The following LARGE1 variants were observed in gnomAD, a reference collection of about 807,000 sequenced individuals.
LARGE1 encodes LARGE xylosyl- and glucuronyltransferase 1.
In LARGE1, 43 loss-of-function variants were observed where a neutral mutation model predicts 87.6. The observed-to-expected ratio is 0.49, with a 90% CI of 0.38 to 0.63. The LOEUF (loss-of-function observed/expected upper bound fraction) is 0.63. LARGE1 is among the 30% of genes least tolerant of loss of function. The probability of loss-of-function intolerance (pLI) is 0.00; values close to 1 mark genes in which losing one functional copy is unlikely to be tolerated. For synonymous variants in LARGE1, 434 were observed against 394.6 expected, an observed-to-expected ratio of 1.10 and a Z score of -1.18; for missense variants, 802 against 1,000.2, an observed-to-expected ratio of 0.80 and a Z score of 2.67.
In LARGE1 at chr22:33,843,308, A is replaced by C. The variant is rs568797568; in HGVS notation, c.-83+76687T>G. On this transcript the variant is annotated intron_variant, in intron 1 of 14. Coordinates refer to ENST00000397394, the MANE Select transcript of LARGE1 (RefSeq NM_133642.5). ...CACTTTGGGCCAGGCACAGTGGCTC[A>C]TGCCTGTAATCCCAGCACTTTGGGA... is the stretch of plus-strand genomic sequence containing the variant. Among the ~76,000 whole-genome samples, 44 of 152,130 alleles carry C rather than the reference A, an allele frequency of 2.9e-4. 2 individuals carry two copies. The South Asian group carries it at 7.9e-3, about 27-fold the overall frequency.
At chr22:33,540,227 G>A (rs1375930323) in intron 6 of LARGE1, among the ~76,000 whole-genome samples, 1 of 152,086 alleles carries the variant, frequency 6.6e-6, no homozygotes, top group Non-Finnish European at 1.5e-5. Flanking sequence ...CTCCTCCTTC[G>A]ACAAAAACAA....
chr22:33,620,507 C>T (rs1345880958), intron 4 of LARGE1, among the ~76,000 whole-genome samples: 1 of 152,188 alleles, frequency 6.6e-6, no homozygotes, highest in South Asian at 2.1e-4. Context: ...CTATTTTCTA[C>T]TGGGTAACAA....
chr22:33,173,969 C>G (rs117136795), intron 11 of LARGE1, among the ~76,000 whole-genome samples: 23 of 152,276 alleles, frequency 1.5e-4, no homozygotes, highest in Non-Finnish European at 2.8e-4. Flanking sequence ...AGGACATGAA[C>G]TCAGCTCTGG....
intron 3 of LARGE1, among the ~76,000 whole-genome samples, chr22:33,647,547 A>G (rs902507587): frequency 3.3e-5 from 5 of 152,208 alleles, no homozygotes; most frequent in Non-Finnish European, 7.3e-5. Context: ...GTGAAAGATA[A>G]AGAAATCCCA....
chr22:33,568,766 CAA>C (rs57651807), intron 5 of LARGE1, among the ~76,000 whole-genome samples: 1,263 of 92,766 alleles, frequency 0.014, 15 homozygotes, highest in African/African-American at 0.041. Context: ...AACTCAGTCT[CAA>C]AAAAAAAAAA....
intron 3 of LARGE1, among the ~76,000 whole-genome samples, chr22:33,642,120 G>C (rs372655533): frequency 6.6e-6 from 1 of 152,008 alleles, no homozygotes; most frequent in African/African-American, 2.4e-5. Context: ...TAATGTTAAG[G>C]GCATCCAGAA....
At chr22:33,087,474 T>C in the LARGE1 span, among the ~76,000 whole-genome samples, 5 of 152,146 alleles carry the variant, frequency 3.3e-5, no homozygotes, top group African/African-American at 9.7e-5. Context: ...TTATGCATAA[T>C]AGTGGAAGCA....
At chr22:33,696,704 G>C (rs2082264507) in intron 2 of LARGE1, among the ~76,000 whole-genome samples, 1 of 152,166 alleles carries the variant, frequency 6.6e-6, no homozygotes, top group South Asian at 2.1e-4. Flanking sequence ...ATGCTGGTGG[G>C]TTTGAAATGG....
intron 6 of LARGE1, among the ~76,000 whole-genome samples, chr22:33,545,260 T>A (rs2148663032): frequency 8.2e-6 from 1 of 121,822 alleles, no homozygotes; most frequent in Non-Finnish European, 1.7e-5. Flanking sequence ...ATGTCTTTCC[T>A]TTTCTTTTTT....
At chr22:33,452,112 G>A (rs763721974) in intron 6 of LARGE1, among the ~76,000 whole-genome samples, 20 of 152,130 alleles carry the variant, frequency 1.3e-4, no homozygotes, top group Non-Finnish European at 2.2e-4. Flanking sequence ...GTGACTATAC[G>A]TCAGGCACTA....
chr22:33,118,554 C>CA, the LARGE1 span, among the ~76,000 whole-genome samples: 5 of 149,194 alleles, frequency 3.4e-5, no homozygotes, highest in Middle Eastern at 3.2e-3. Flanking sequence ...AGAAGAGAGA[C>CA]AAAAAAGGAC....
chr22:33,843,044 A>C (rs1207879733), intron 1 of LARGE1, among the ~76,000 whole-genome samples: 1 of 152,102 alleles, frequency 6.6e-6, no homozygotes, highest in Non-Finnish European at 1.5e-5. Flanking sequence ...GTGGCCCTGG[A>C]TTTCCATACT....
intron 7 of LARGE1, among the ~76,000 whole-genome samples, chr22:33,424,787 C>T (rs907503580): frequency 1.3e-5 from 2 of 151,972 alleles, no homozygotes; most frequent in African/African-American, 4.8e-5. Context: ...GAGGCTGCAG[C>T]GAGCTGTGTC....
intron 1 of LARGE1, among the ~76,000 whole-genome samples, chr22:33,804,102 T>C (rs1295277034): frequency 3.3e-5 from 5 of 152,130 alleles, no homozygotes; most frequent in South Asian, 2.1e-4. Context: ...CTCCTCCCTA[T>C]ACAGAAGAGA....
intron 9 of LARGE1, among the ~76,000 whole-genome samples, chr22:33,338,930 C>T (rs1447152747): frequency 6.6e-6 from 1 of 151,934 alleles, no homozygotes; most frequent in Non-Finnish European, 1.5e-5. Context: ...GGCAGATCAC[C>T]TGAGGTCAGG....
chr22:33,412,796 G>A lies in LARGE1; in HGVS notation c.892+19365C>T, dbSNP rs369087605. ...CTGCCTCAGCCTCCCGAGTAGCTGC[G>A]ACTACAGGCATGTGACCCCATGCTG... On this transcript the variant is annotated intron_variant, in intron 7 of 14. Transcript: ENST00000397394. 5.3e-5 allele frequency among the ~76,000 whole-genome samples: 8 copies of A among 152,238 alleles called. No individual in the cohort carries two copies. The South Asian group carries it at 8.3e-4, about 16-fold the overall frequency.
chr22:33,750,823 G>A (rs2084287752), intron 2 of LARGE1: 1 of 152,100 alleles, frequency 6.6e-6, no homozygotes, highest in African/African-American at 2.4e-5. Flanking sequence ...TGAAATCAGT[G>A]CTGTGATCCA....
chr22:33,766,913 CATATATATAT>C lies in LARGE1; in HGVS notation c.-82-5365_-82-5356del, dbSNP rs34406131. Among the ~76,000 whole-genome samples the C allele has an allele frequency of 4.0e-3, 446 of 111,506 alleles. 2 individuals carry two copies. Among genetic ancestry groups the C allele is most frequent in the African/African-American group, 0.01 (286 of 28,014 alleles). 73.2% of individuals were successfully genotyped at this position (111,506 alleles called of 152,430 possible). A position where few individuals can be genotyped will look rare whatever the true frequency, so the allele number is the denominator to read the frequency against. ...AGAATATGACTAATTTAAACATATA[CATATATATAT>C]ATATATATATATATATATATATATA... On this transcript the variant is annotated intron_variant, in intron 1 of 14. Transcript: ENST00000397394.
intron 2 of LARGE1, among the ~76,000 whole-genome samples, chr22:33,748,163 C>T (rs1190157752): frequency 2.8e-5 from 4 of 142,924 alleles, no homozygotes; most frequent in African/African-American, 1.1e-4. Context: ...GACAGAGTCT[C>T]AGTCTGTCGC....
Sources: allele counts gnomAD v4.1 joint callset (sites outside exome capture counted in the v4.1 genomes callset), GRCh38; gene constraint gnomAD v4.1.1; transcripts MANE v1.5; gene names NCBI Gene and HGNC (gene_info 2026-07-23, HGNC 2026-07-21).